The following KIF14 variants were observed in gnomAD, a reference collection of about 807,000 sequenced individuals.
KIF14 encodes kinesin family member 14.
KIF14 carries 98 observed loss-of-function variants against 176.2 expected under a neutral mutation model. That is an observed-to-expected ratio of 0.56 (90% CI 0.47 to 0.66). KIF14 has a LOEUF of 0.66. Among genes scored for constraint, KIF14 ranks in the 30% least tolerant of loss-of-function variants. The pLI is 0.00. For synonymous variants in KIF14, 566 were observed against 632.2 expected, an observed-to-expected ratio of 0.90 and a Z score of 1.57; for missense variants, 1,751 against 1,920.4, an observed-to-expected ratio of 0.91 and a Z score of 1.65.
At chr1:200,596,140 G>C (rs543958781) in intron 14 of KIF14, among the ~76,000 whole-genome samples, 1 of 151,898 alleles carries the variant, frequency 6.6e-6, no homozygotes, top group Non-Finnish European at 1.5e-5. Context: ...TGCAATCCCA[G>C]CTACTCAGGA....
intron 10 of KIF14, 35 bp from the exon 11 acceptor site, chr1:200,602,103 C>T: frequency 6.3e-7 from 1 of 1,576,642 alleles, no homozygotes; most frequent in Non-Finnish European, 8.7e-7. Flanking sequence ...TTTGCTTCTA[C>T]AACAACTTAA....
In KIF14 at chr1:200,582,807, G is replaced by A. The variant is rs139225566; in HGVS notation, c.3242-1513C>T. Among the ~76,000 whole-genome samples the A allele has an allele frequency of 1.3e-3, 201 of 151,434 alleles. 4 individuals carry two copies. Among genetic ancestry groups the A allele is most frequent in the Admixed American group, 0.011 (172 of 15,178 alleles). On this transcript the variant is annotated intron_variant, in intron 19 of 29. Transcript: ENST00000367350. ...AGAAGTTGCAGTGAGCTGAGATTGCGCTACTGCACTCCAATGCACTCCAAC... is the reference window on the plus strand; with the variant it reads ...AGAAGTTGCAGTGAGCTGAGATTGCACTACTGCACTCCAATGCACTCCAAC...
At position 200,618,421 on chromosome 1, in the gene KIF14, A is replaced by T; in HGVS notation, c.303T>A (p.Ser101=). The T allele has an allele frequency of 6.2e-7, 1 of 1,614,174 alleles. No individual in the cohort carries two copies. The highest frequency in any genetic ancestry group is 8.5e-7 in the Non-Finnish European group (1 of 1,180,024). The change falls in exon 2 of 30, where the codon TCT becomes TCA. Residue 101 remains serine, a synonymous_variant. Coordinates refer to ENST00000367350, the MANE Select transcript of KIF14 (RefSeq NM_014875.3). The stretch of plus-strand genomic sequence containing the variant: ...TGTCTTCCAACTCACTAACAAGCAA[A>T]GATGATTCTTTGTTCCTTGTAGTTC... ...QRRTTRNKES[S]LLVSELEDTT...
intron 19 of KIF14, among the ~76,000 whole-genome samples, chr1:200,584,964 A>G (rs979967758): frequency 7.9e-5 from 12 of 152,320 alleles, no homozygotes; most frequent in Non-Finnish European, 1.8e-4. Flanking sequence ...AACACCACCA[A>G]AAGTGAAATA....
At position 200,580,293 on chromosome 1, in the gene KIF14, C is replaced by G. The variant is rs1261789654; in HGVS notation, c.3426G>C (p.Lys1142Asn). ...TCATTGCTGCAAGTTTAGATTCAAA[C>G]TTTTCCAGACTCCAGAATGTTGAGA... ...LGISTFWSLE[K>N]FESKLAAMKE... The change falls in exon 21 of 30, where the codon AAG becomes AAC. Residue 1142 changes from lysine to asparagine, a missense_variant. By Grantham distance (94) the Lys-to-Asn change is moderately conservative. Transcript: ENST00000367350. 1.3e-6 allele frequency: 2 copies of G among 1,503,110 alleles called. No individual in the cohort carries two copies. Among genetic ancestry groups the G allele is most frequent in the Admixed American group, 3.9e-5 (2 of 51,220 alleles). The allele number at this position is 1,503,110 out of a possible 1,614,324, so 93.1% of individuals were successfully genotyped here.
At chr1:200,589,517 A>AAACT (rs201632101) in intron 17 of KIF14, 148 bp from the exon 18 acceptor site, 57 of 539,104 alleles carry the variant, frequency 1.1e-4, no homozygotes, top group Non-Finnish European at 1.4e-4. Flanking sequence ...AGGTTAACTA[A>AAACT]AAATACTTAA....
chr1:200,558,399 A>C (rs1656950765), intron 27 of KIF14, among the ~76,000 whole-genome samples: 1 of 152,244 alleles, frequency 6.6e-6, no homozygotes, highest in Non-Finnish European at 1.5e-5. Context: ...CATGAACAAT[A>C]GTTTTAAAAA....
At chr1:200,573,115 C>T (rs1657899546) in intron 22 of KIF14, among the ~76,000 whole-genome samples, 1 of 152,220 alleles carries the variant, frequency 6.6e-6, no homozygotes, top group South Asian at 2.1e-4. Flanking sequence ...CTCGTAACAA[C>T]TCTGCAACAT....
At position 200,569,921 on chromosome 1, in the gene KIF14, T is replaced by C. The variant is rs150400242; in HGVS notation, c.3651A>G (p.Ser1217=). 3,940 of 1,582,316 alleles carry C rather than the reference T, an allele frequency of 2.5e-3. 5 individuals carry two copies. The highest frequency in any genetic ancestry group is 3.2e-3 in the Non-Finnish European group (3,698 of 1,155,060). The change falls in exon 23 of 30, where the codon TCA becomes TCG. Residue 1217 remains serine, a synonymous_variant. Transcript: ENST00000367350. ...TGAAGAAAAAAATACCTGATGAATG[T>C]GAAGAATGCAAATTCTTAATTGGAT... ...QVHPIKNLHS[S]HSSGLMDKSS... is the part of the protein sequence containing the mutation.
intron 2 of KIF14, among the ~76,000 whole-genome samples, chr1:200,616,528 C>T (rs574898208): frequency 1.7e-4 from 26 of 152,074 alleles, no homozygotes; most frequent in East Asian, 5.8e-4. Context: ...CCCATTTGCA[C>T]GAAAAAGATT....
intron 10 of KIF14, among the ~76,000 whole-genome samples, chr1:200,602,479 T>C (rs1355593908): frequency 6.6e-6 from 1 of 152,194 alleles, no homozygotes; most frequent in East Asian, 1.9e-4. Flanking sequence ...AGCAAAATCT[T>C]TATTTTAGAG....
chr1:200,610,509 CAAAAAA>C (rs35647787), intron 4 of KIF14, among the ~76,000 whole-genome samples: 1 of 107,842 alleles, frequency 9.3e-6, no homozygotes. Flanking sequence ...GACTTCCTCT[CAAAAAA>C]AAAAAAAAAA....
chr1:200,593,403 C>G (rs1404388604), intron 15 of KIF14, among the ~76,000 whole-genome samples: 1 of 152,170 alleles, frequency 6.6e-6, no homozygotes, highest in East Asian at 1.9e-4. Context: ...GGATTTCAAC[C>G]CTGTCTGTCT....
intron 23 of KIF14, 82 bp from the exon 24 acceptor site, chr1:200,565,751 T>C: frequency 3.4e-6 from 3 of 877,138 alleles, no homozygotes; most frequent in Non-Finnish European, 5.2e-6. Context: ...CCTTACTTTA[T>C]GTACTTCTGC....
At position 200,559,527 on chromosome 1, in the gene KIF14, T is replaced by C. The variant is rs183564706; in HGVS notation, c.4231-75A>G. The C allele has an allele frequency of 8.8e-4, 731 of 830,594 alleles. 2 individuals are homozygous for C. The African/African-American group carries it at 9.5e-3, about 11-fold the overall frequency. 51.5% of individuals were successfully genotyped at this position (830,594 alleles called of 1,614,324 possible). On this transcript the variant is annotated intron_variant, in intron 26 of 29. Transcript: ENST00000367350. ...TTAATTTATTTAAATTTAGGTTTTATATATTTTAAATTATCAAGTAATTAA... is the reference window on the plus strand; with the variant it reads ...TTAATTTATTTAAATTTAGGTTTTACATATTTTAAATTATCAAGTAATTAA...
intron 4 of KIF14, among the ~76,000 whole-genome samples, chr1:200,612,407 C>T (rs1660200788): frequency 6.6e-6 from 1 of 152,208 alleles, no homozygotes; most frequent in Non-Finnish European, 1.5e-5. Context: ...AAGACCTTTG[C>T]CTCCACTACA....
At chr1:200,562,171 T>G (rs74533735) in intron 25 of KIF14, among the ~76,000 whole-genome samples, 3,586 of 152,326 alleles carry the variant, frequency 0.024, 50 homozygotes, top group Non-Finnish European at 0.035. Context: ...AAATTCAGGT[T>G]TGCTAGCTTA....
rs1356515439 is a variant in KIF14 at position 200,603,793 on chromosome 1, C to T, written c.1863+46G>A. ...GTTTGTATTCTCCTTAAAATAATGA[C>T]CTCAGGAATAAATTTCATCAAAAGG... On this transcript the variant is annotated intron_variant, in intron 9 of 29. Transcript: ENST00000367350. 3 of 1,160,332 alleles carry T rather than the reference C, an allele frequency of 2.6e-6. No individual in the cohort carries two copies. The South Asian group carries it at 3.7e-5, about 14-fold the overall frequency. 71.9% of individuals were successfully genotyped at this position (1,160,332 alleles called of 1,614,324 possible).
At position 200,598,125 on chromosome 1, in the gene KIF14, TG is replaced by T. The variant is rs1211064687; in HGVS notation, c.2549+111del. On this transcript the variant is annotated intron_variant, in intron 14 of 29. Coordinates refer to ENST00000367350, the MANE Select transcript of KIF14 (RefSeq NM_014875.3). ...GTTTTTCCTGACTAAACAATGGGTT[TG>T]AAGAATTCTACCAAACGATCAGTAT... is the stretch of plus-strand genomic sequence containing the variant. 18 of 896,042 alleles carry T rather than the reference TG, an allele frequency of 2.0e-5. No homozygotes were observed. The African/African-American group carries it at 2.9e-4, about 14-fold the overall frequency. The allele number at this position is 896,042 out of a possible 1,614,324, so 55.5% of individuals were successfully genotyped here. A position where few individuals can be genotyped will look rare whatever the true frequency, so the allele number is the denominator to read the frequency against.
Sources: gnomAD v4.1 joint callset for allele counts (sites outside exome capture counted in the v4.1 genomes callset) on GRCh38, gnomAD v4.1.1 for gene constraint, MANE v1.5 for transcripts, NCBI Gene and HGNC (gene_info 2026-07-23, HGNC 2026-07-21) for gene names.